The following NWD2 variants were observed in gnomAD, a reference collection of about 807,000 sequenced individuals.
The protein encoded by NWD2 is NACHT and WD repeat domain containing 2.
A neutral mutation model predicts 132.7 loss-of-function variants in NWD2; 37 were observed. That is an observed-to-expected ratio of 0.28 (90% confidence interval 0.21 to 0.37). The LOEUF (loss-of-function observed/expected upper bound fraction) is 0.37, where lower values mean the gene tolerates loss of function less well. Ranked by LOEUF, NWD2 falls within the 10% of genes least tolerant of loss-of-function variation. The probability of loss-of-function intolerance (pLI) is 1.00; values close to 1 mark genes in which losing one functional copy is unlikely to be tolerated. For synonymous variants in NWD2, 705 were observed against 803.0 expected, an observed-to-expected ratio of 0.88 and a Z score of 2.06; for missense variants, 1,592 against 2,122.4, an observed-to-expected ratio of 0.75 and a Z score of 4.91.
intron 3 of NWD2, among the ~76,000 whole-genome samples, chr4:37,376,749 G>A (rs368097217): frequency 6.6e-6 from 1 of 152,082 alleles, no homozygotes; most frequent in African/African-American, 2.4e-5. Context: ...CTAAAACATG[G>A]TGACTTTTAA....
intron 3 of NWD2, among the ~76,000 whole-genome samples, chr4:37,422,394 C>T (rs529336395): frequency 2.0e-5 from 3 of 152,140 alleles, no homozygotes; most frequent in African/African-American, 7.2e-5. Flanking sequence ...TTTTTCTCCA[C>T]CCCTGGAACA....
chr4:37,311,203 C>T (rs186966038), intron 1 of NWD2, among the ~76,000 whole-genome samples: 5,163 of 152,146 alleles, frequency 0.034, 298 homozygotes, highest in African/African-American at 0.12. Context: ...CCTGAGGAAT[C>T]GCCACACTGA....
intron 2 of NWD2, among the ~76,000 whole-genome samples, chr4:37,348,675 T>TATATATATATATATATACAC (rs1308407988): frequency 6.2e-4 from 14 of 22,566 alleles, no homozygotes; most frequent in Non-Finnish European, 8.4e-4. Flanking sequence ...TATATATATA[T>TATATATATATATATATACAC]ACACACACAC....
chr4:37,282,180 G>A (rs949371222), intron 1 of NWD2, among the ~76,000 whole-genome samples: 2 of 152,084 alleles, frequency 1.3e-5, no homozygotes, highest in African/African-American at 4.8e-5. Flanking sequence ...TCTATGAAAG[G>A]CTATTAAAAA....
At chr4:37,392,273 G>C (rs1560411119) in intron 3 of NWD2, among the ~76,000 whole-genome samples, 1 of 152,176 alleles carries the variant, frequency 6.6e-6, no homozygotes, top group Non-Finnish European at 1.5e-5. Flanking sequence ...TGAGAGTGTA[G>C]TACAGAGGCT....
In NWD2 at chr4:37,311,843, A is replaced by G. The variant is rs1390050534; in HGVS notation, c.152-14093A>G. Among the ~76,000 whole-genome samples the G allele has an allele frequency of 7.3e-5, 11 of 149,708 alleles. No homozygotes were observed. The Middle Eastern group carries it at 0.01, about 139-fold the overall frequency. On this transcript the variant is annotated intron_variant, in intron 1 of 6. Transcript: ENST00000309447. The stretch of plus-strand genomic sequence containing the variant: ...AAGGGATCCAGTTTCAGCATTCTAC[A>G]TATGGCTAGCCAGTTTTCCCAGCAC...
At chr4:37,404,940 C>T (rs1720966204) in intron 3 of NWD2, among the ~76,000 whole-genome samples, 1 of 152,202 alleles carries the variant, frequency 6.6e-6, no homozygotes, top group South Asian at 2.1e-4. Context: ...GAGAGAGCGC[C>T]TTTCTGATCC....
chr4:37,311,912 C>T (rs1359015384), intron 1 of NWD2, among the ~76,000 whole-genome samples: 1 of 151,502 alleles, frequency 6.6e-6, no homozygotes, highest in Non-Finnish European at 1.5e-5. Flanking sequence ...TTGTTTTTGT[C>T]AGGTTTGTCA....
At chr4:37,402,666 A>G (rs1301216501) in intron 3 of NWD2, among the ~76,000 whole-genome samples, 1 of 152,212 alleles carries the variant, frequency 6.6e-6, no homozygotes, top group Non-Finnish European at 1.5e-5. Context: ...GTAAAGTAGA[A>G]AGATCAGGCT....
At chr4:37,410,265 C>T (rs540295612) in intron 3 of NWD2, among the ~76,000 whole-genome samples, 5 of 152,040 alleles carry the variant, frequency 3.3e-5, no homozygotes, top group Non-Finnish European at 7.4e-5. Context: ...ACCCATCTCA[C>T]ATGCAAAGAC....
intron 3 of NWD2, among the ~76,000 whole-genome samples, chr4:37,364,307 T>C (rs150391402): frequency 5.3e-5 from 8 of 152,072 alleles, no homozygotes; most frequent in Non-Finnish European, 1.2e-4. Flanking sequence ...GTAGTGTGGA[T>C]GAGGTGGAAA....
chr4:37,297,522 T>C (rs1718521001), intron 1 of NWD2, among the ~76,000 whole-genome samples: 2 of 152,264 alleles, frequency 1.3e-5, no homozygotes, highest in Non-Finnish European at 1.5e-5. Flanking sequence ...ATAAGTAAAA[T>C]ACAAATATCA....
intron 1 of NWD2, among the ~76,000 whole-genome samples, chr4:37,277,133 TA>T (rs58582054): frequency 0.48 from 70,346 of 146,136 alleles, 17,155 homozygotes; most frequent in African/African-American, 0.52. Context: ...AAAGTATAAT[TA>T]AAAAAAAAAA....
In NWD2 at chr4:37,244,893, C is replaced by A. The variant is rs568971501; in HGVS notation, c.-175C>A. On this transcript the variant is annotated 5_prime_UTR_variant, in exon 1 of 7. Coordinates refer to ENST00000309447, the MANE Select transcript of NWD2 (RefSeq NM_001144990.2). The surrounding 1 kb of genome is among the most constrained non-coding windows in gnomAD (Gnocchi z 5.5). ...CGAGGGTCCGTATGGCTTCTCCTCG[C>A]CGGCGGGTGCTGTGCGCCACGGAGC... 4.6e-4 allele frequency: 345 copies of A among 745,352 alleles called. 1 individual carries two copies. In the African/African-American group the frequency reaches 6.2e-3, roughly 13 times the overall value. The allele number at this position is 745,352 out of a possible 1,614,324, so 46.2% of individuals were successfully genotyped here.
intron 1 of NWD2, among the ~76,000 whole-genome samples, chr4:37,310,617 T>C (rs931372024): frequency 2.6e-4 from 39 of 152,200 alleles, no homozygotes; most frequent in African/African-American, 8.2e-4. Context: ...AGCATGGTGC[T>C]AGCTGTAGGG....
intron 3 of NWD2, among the ~76,000 whole-genome samples, chr4:37,394,819 T>G (rs200673137): frequency 1.8e-4 from 14 of 79,396 alleles, no homozygotes; most frequent in Non-Finnish European, 2.9e-4. Context: ...TTTTTTTTTT[T>G]TTTTTTTTTG....
rs1174730226 is a variant in NWD2 at position 37,268,728 on chromosome 4, T to C, written c.151+23510T>C. On this transcript the variant is annotated intron_variant, in intron 1 of 6. Transcript: ENST00000309447. ...AGAGAAAAAAAGCAGGCTGTTGGCA[T>C]GAGGAATCAGTGTTTTAAGAAAATT... Among the ~76,000 whole-genome samples, 4 of 40,260 alleles carry C rather than the reference T, an allele frequency of 9.9e-5. No individual in the cohort carries two copies. In the African/African-American group the frequency reaches 1.0e-3, roughly 10 times the overall value. The allele number at this position is 40,260 out of a possible 152,430, so 26.4% of individuals were successfully genotyped here. A position where few individuals can be genotyped will look rare whatever the true frequency, so the allele number is the denominator to read the frequency against.
At chr4:37,440,016 G>A (rs901934841) in intron 6 of NWD2, among the ~76,000 whole-genome samples, 4 of 152,078 alleles carry the variant, frequency 2.6e-5, no homozygotes, top group African/African-American at 4.8e-5. Context: ...ACTGGACTGT[G>A]AACTCTCTGT....
intron 2 of NWD2, among the ~76,000 whole-genome samples, chr4:37,330,051 A>G (rs1049792572): frequency 7.2e-5 from 11 of 152,238 alleles, no homozygotes; most frequent in Non-Finnish European, 1.6e-4. Context: ...AATAGAATAG[A>G]AATTAATAGA....
Sources: gnomAD v4.1 joint callset for allele counts (sites outside exome capture counted in the v4.1 genomes callset) on GRCh38, gnomAD v4.1.1 for gene constraint, Gnocchi (gnomAD v3.1) non-coding constraint, MANE v1.5 for transcripts, NCBI Gene and HGNC (gene_info 2026-07-23, HGNC 2026-07-21) for gene names.